The following ACTR3C variants were observed in gnomAD, a reference collection of about 807,000 sequenced individuals.
ACTR3C encodes the protein actin-related protein 3C.
A neutral mutation model predicts 26.3 loss-of-function variants in ACTR3C; 18 were observed. That is an observed-to-expected ratio of 0.68 (90% CI 0.47 to 1.01). The LOEUF is 1.01. Among genes scored for constraint, ACTR3C ranks in the 50% least tolerant of loss-of-function variants. The pLI, the probability that ACTR3C is intolerant of heterozygous loss-of-function variation, is 0.00. For synonymous variants in ACTR3C, 55 were observed against 94.5 expected (o/e 0.58, Z 2.42); for missense variants, 184 against 250.7 (o/e 0.73, Z 1.80).
chr7:149,935,667 G>C, the ACTR3C span, among the ~76,000 whole-genome samples: 1 of 121,382 alleles, frequency 8.2e-6, no homozygotes, highest in East Asian at 2.2e-4. Flanking sequence ...CTCCCAAAGT[G>C]CTGGGATTAC....
At chr7:149,891,595 CAGG>C in the ACTR3C span, among the ~76,000 whole-genome samples, 1 of 151,784 alleles carries the variant, frequency 6.6e-6, no homozygotes, top group Non-Finnish European at 1.5e-5. Flanking sequence ...GAGGCCAAGG[CAGG>C]AGGCTCACCC....
the ACTR3C span, among the ~76,000 whole-genome samples, chr7:149,884,941 T>G: frequency 6.6e-6 from 1 of 152,216 alleles, no homozygotes; most frequent in South Asian, 2.1e-4. Context: ...TGGTGCTAAC[T>G]GAAGCCCTCG....
the ACTR3C span, chr7:150,004,470 G>C: frequency 5.3e-5 from 8 of 152,252 alleles, no homozygotes; most frequent in South Asian, 1.2e-3. Flanking sequence ...GACAACCATT[G>C]TAATAATACT....
chr7:150,206,803 G>A, the ACTR3C span, among the ~76,000 whole-genome samples: 1 of 152,232 alleles, frequency 6.6e-6, no homozygotes, highest in Non-Finnish European at 1.5e-5. Context: ...CCAACTGGCA[G>A]TTTATGAATA....
At chr7:150,114,569 G>A in the ACTR3C span, among the ~76,000 whole-genome samples, 1 of 152,108 alleles carries the variant, frequency 6.6e-6, no homozygotes. Context: ...CATGAAATGT[G>A]TTAAAAAGCA....
rs190006142 is a variant in ACTR3C at position 150,316,816 on chromosome 7, T to A, written c.-52+6653A>T. ...TGGTTCTTAAAAGTTCCTCTTGGAATTTTTCCTGGGATTACGTTAAACTGG... is the reference window on the plus strand; with the variant it reads ...TGGTTCTTAAAAGTTCCTCTTGGAAATTTTCCTGGGATTACGTTAAACTGG... On this transcript the variant is annotated intron_variant, in intron 1 of 7. Coordinates refer to ENST00000683684, the MANE Select transcript of ACTR3C (RefSeq NM_001164458.2). Among the ~76,000 whole-genome samples, 174 of 152,202 alleles carry A rather than the reference T, an allele frequency of 1.1e-3. 1 individual carries two copies. The highest frequency in any genetic ancestry group is 4.0e-3 in the African/African-American group (165 of 41,524).
the ACTR3C span, among the ~76,000 whole-genome samples, chr7:149,890,542 A>G: frequency 2.0e-5 from 3 of 150,826 alleles, no homozygotes; most frequent in Non-Finnish European, 4.4e-5. Flanking sequence ...TCATCTTGCT[A>G]TGTCTCAAGA....
intron 6 of ACTR3C, among the ~76,000 whole-genome samples, chr7:150,262,945 T>C (rs1246775191): frequency 6.6e-6 from 1 of 152,184 alleles, no homozygotes; most frequent in Non-Finnish European, 1.5e-5. Flanking sequence ...ATGAATGCCT[T>C]GAGAGAGATA....
chr7:150,213,466 A>C, the ACTR3C span, among the ~76,000 whole-genome samples: 1 of 152,238 alleles, frequency 6.6e-6, no homozygotes, highest in East Asian at 1.9e-4. Context: ...ATAAAGATAT[A>C]AAGTCTTGAA....
the ACTR3C span, among the ~76,000 whole-genome samples, chr7:150,199,091 C>T: frequency 1.3e-5 from 2 of 149,964 alleles, no homozygotes; most frequent in South Asian, 4.2e-4. Context: ...GGCCGCCCCC[C>T]CGTCTGGGAG....
the ACTR3C span, among the ~76,000 whole-genome samples, chr7:149,966,902 C>T: frequency 6.6e-6 from 1 of 151,890 alleles, no homozygotes. Context: ...TACTCTGTCA[C>T]CCCGACTGGA....
chr7:149,926,131 A>C, the ACTR3C span, among the ~76,000 whole-genome samples: 1 of 152,184 alleles, frequency 6.6e-6, no homozygotes, highest in South Asian at 2.1e-4. Context: ...AACCTTTCTT[A>C]TGACTCAAAA....
At chr7:150,021,246 G>C in the ACTR3C span, among the ~76,000 whole-genome samples, 3 of 151,710 alleles carry the variant, frequency 2.0e-5, no homozygotes, top group African/African-American at 7.3e-5. Context: ...CCTGAGCAGT[G>C]ACATGCTGAA....
the ACTR3C span, among the ~76,000 whole-genome samples, chr7:150,120,182 A>C: frequency 6.6e-6 from 1 of 152,350 alleles, no homozygotes; most frequent in South Asian, 2.1e-4. Context: ...GAACTAGAAA[A>C]GCAAGAGCAA....
At chr7:150,168,386 T>C in the ACTR3C span, among the ~76,000 whole-genome samples, 2 of 150,788 alleles carry the variant, frequency 1.3e-5, no homozygotes, top group Non-Finnish European at 1.5e-5. Flanking sequence ...ACCTGATCCT[T>C]ATGAGAATCT....
the ACTR3C span, among the ~76,000 whole-genome samples, chr7:150,174,840 C>T: frequency 6.7e-6 from 1 of 148,344 alleles, no homozygotes; most frequent in South Asian, 2.1e-4. Flanking sequence ...CAAAGTCTTC[C>T]AGTCAAAATA....
chr7:150,221,979 CAGAG>C, the ACTR3C span, among the ~76,000 whole-genome samples: 1 of 120,040 alleles, frequency 8.3e-6, no homozygotes. Context: ...GCCTGGGCAA[CAGAG>C]AGAGACTCCG....
At chr7:150,189,924 C>T in the ACTR3C span, among the ~76,000 whole-genome samples, 2 of 146,480 alleles carry the variant, frequency 1.4e-5, no homozygotes, top group African/African-American at 2.5e-5. Flanking sequence ...TACCCAGGGA[C>T]GAGATGCCTG....
the ACTR3C span, among the ~76,000 whole-genome samples, chr7:149,924,690 A>G: frequency 6.6e-6 from 1 of 151,534 alleles, no homozygotes; most frequent in South Asian, 2.1e-4. Flanking sequence ...CAGTGGCTCA[A>G]TCTCAGCTCA....
Sources: gnomAD v4.1 joint callset for allele counts (sites outside exome capture counted in the v4.1 genomes callset) on GRCh38, gnomAD v4.1.1 for gene constraint, MANE v1.5 for transcripts, NCBI Gene and HGNC (gene_info 2026-07-23, HGNC 2026-07-21) for gene names.